Variants in CRLF3 observed in about 807,000 individuals in gnomAD.
The protein encoded by CRLF3 is cytokine receptor-like factor 3.
In CRLF3, 33 loss-of-function variants were observed where a neutral mutation model predicts 55.0. The observed-to-expected ratio is 0.60, with a 90% CI of 0.46 to 0.80. The LOEUF (loss-of-function observed/expected upper bound fraction) is 0.80, where lower values mean the gene tolerates loss of function less well. Ranked by LOEUF, CRLF3 falls within the 30% of genes least tolerant of loss-of-function variation. CRLF3 has a pLI of 0.00. For missense variants in CRLF3, 494 were observed against 538.4 expected, an observed-to-expected ratio of 0.92 and a Z score of 0.82; for synonymous variants, 238 against 196.8, an observed-to-expected ratio of 1.21 and a Z score of -1.75.
intron 1 of CRLF3, among the ~76,000 whole-genome samples, chr17:30,806,839 T>C (rs917647910): frequency 1.3e-5 from 2 of 152,176 alleles, no homozygotes; most frequent in Non-Finnish European, 2.9e-5. Flanking sequence ...GATCTTGCTA[T>C]GTTGCCCAAG....
intron 1 of CRLF3, among the ~76,000 whole-genome samples, chr17:30,815,711 T>C (rs1904777963): frequency 6.8e-6 from 1 of 147,568 alleles, no homozygotes; most frequent in Non-Finnish European, 1.5e-5. Flanking sequence ...CCACCTAACT[T>C]TTTTGTATTT....
At chr17:30,787,063 T>C (rs1027544667) in intron 6 of CRLF3, among the ~76,000 whole-genome samples, 1 of 152,186 alleles carries the variant, frequency 6.6e-6, no homozygotes, top group Non-Finnish European at 1.5e-5. Flanking sequence ...TTGGAACTCC[T>C]GACCTCAGGT....
chr17:30,790,764 A>C (rs1361330417), intron 6 of CRLF3: 2 of 150,796 alleles, frequency 1.3e-5, no homozygotes, highest in African/African-American at 2.4e-5. Context: ...CTACAGGCGC[A>C]CCTCACCACA....
rs1172831641 is a variant in CRLF3 at position 30,782,724 on chromosome 17, C to T, written c.*1463G>A. The T allele has an allele frequency of 3.9e-5, 6 of 152,038 alleles. No homozygotes were observed. Among genetic ancestry groups the T allele is most frequent in the African/African-American group, 1.2e-4 (5 of 41,388 alleles). 9.4% of individuals were successfully genotyped at this position (152,038 alleles called of 1,614,324 possible). ...TTTTATTTTGATTCCTATGGCTGGA[C>T]AAGGTATCTACATTCTAGAACATCT... On this transcript the variant is annotated 3_prime_UTR_variant, in exon 8 of 8. Coordinates refer to ENST00000324238, the MANE Select transcript of CRLF3 (RefSeq NM_015986.4).
chr17:30,815,084 CTTTTTTTTTTT>C (rs541526248), intron 1 of CRLF3, among the ~76,000 whole-genome samples: 3 of 107,530 alleles, frequency 2.8e-5, no homozygotes, highest in East Asian at 2.6e-4. Context: ...TTCTTTCTTT[CTTTTTTTTTTT>C]TTTTTTTTGA....
At position 30,824,674 on chromosome 17, in the gene CRLF3, C is replaced by T. The variant is rs759754747; in HGVS notation, c.-23G>A. 1.3e-6 allele frequency: 2 copies of T among 1,582,912 alleles called. No individual in the cohort carries two copies. Among genetic ancestry groups the T allele is most frequent in the Non-Finnish European group, 1.7e-6 (2 of 1,171,222 alleles). ...CATCTGGCCGCGCGGCCGGCGAAAC[C>T]TAGCGCGGGTTCCCGACTGCACCGG... is the stretch of plus-strand genomic sequence containing the variant. On this transcript the variant is annotated 5_prime_UTR_variant, in exon 1 of 8. Transcript: ENST00000324238.
chr17:30,817,840 AGGTT>A (rs1228157092), intron 1 of CRLF3, among the ~76,000 whole-genome samples: 1 of 136,830 alleles, frequency 7.3e-6, no homozygotes, highest in African/African-American at 2.7e-5. Context: ...CAGGAGGCAG[AGGTT>A]GCAATGAGCC....
At chr17:30,790,941 C>G (rs772804172) in intron 6 of CRLF3, 1 of 151,842 alleles carries the variant, frequency 6.6e-6, no homozygotes, top group Non-Finnish European at 1.5e-5. Flanking sequence ...TTTTTTGAGA[C>G]GGAGTCTCGC....
rs775546121 is a variant in CRLF3 at position 30,793,649 on chromosome 17, T to G, written c.627A>C (p.Gln209His). Residue 209 changes from glutamine (Q) to histidine (H), a missense_variant, in exon 5 of 8, where the codon CAA becomes CAC. Coordinates refer to ENST00000324238, the MANE Select transcript of CRLF3 (RefSeq NM_015986.4). ...ATTTACGAAACTGGAGCCTGTAATC[T>G]TGGGCTGTAAAGTCATCATCCACCT... ...WCKVDDDFTA[Q>H]DYRLQFRKCT... 53 of 1,613,624 alleles carry G rather than the reference T, an allele frequency of 3.3e-5. No homozygotes were observed. The highest frequency in any genetic ancestry group is 6.6e-5 in the South Asian group (6 of 91,074).
At chr17:30,787,211 G>A (rs1061346) in intron 6 of CRLF3, among the ~76,000 whole-genome samples, 19,342 of 152,184 alleles carry the variant, frequency 0.13, 1,294 homozygotes, top group South Asian at 0.25. Context: ...ACACATAGAA[G>A]GTTTGTCATA....
At chr17:30,793,406 T>A in intron 5 of CRLF3, 44 bp downstream of exon 5, 1 of 1,470,458 alleles carries the variant, frequency 6.8e-7, no homozygotes, top group Non-Finnish European at 9.5e-7. Flanking sequence ...ACAGGTATTC[T>A]AATATATAGT....
At chr17:30,821,892 G>T (rs1297590363) in intron 1 of CRLF3, among the ~76,000 whole-genome samples, 2 of 151,902 alleles carry the variant, frequency 1.3e-5, no homozygotes, top group Non-Finnish European at 2.9e-5. Flanking sequence ...TTTAAGGCAT[G>T]ACTTTTACGG....
Position 30,792,554 on chromosome 17 carries a change from T to A in CRLF3, c.845A>T (p.Glu282Val), listed in dbSNP as rs753268487. 4 of 1,601,936 alleles carry A rather than the reference T, an allele frequency of 2.5e-6. No individual in the cohort carries two copies. The highest frequency in any genetic ancestry group is 3.4e-6 in the Non-Finnish European group (4 of 1,170,078). ...LVPHEWTAGFEGYSLSSRRNI... is the reference protein window; with the variant it reads ...LVPHEWTAGFVGYSLSSRRNI... The stretch of plus-strand genomic sequence containing the variant: ...TCTTCGACTGCTCAGACTGTACCCC[T>A]CAAAACCAGCTGTCCACTCTTTTTC... The change falls in exon 6 of 8, where the codon GAG becomes GTG. Residue 282 changes from glutamate to valine, a missense_variant. By Grantham distance (121) the Glu-to-Val change is moderately radical. Coordinates refer to ENST00000324238, the MANE Select transcript of CRLF3 (RefSeq NM_015986.4).
rs1173401542 is a variant in CRLF3 at position 30,782,889 on chromosome 17, AC to A, written c.*1297del. The A allele has an allele frequency of 6.7e-6, 1 of 148,718 alleles. No individual in the cohort carries two copies. The highest frequency in any genetic ancestry group is 2.5e-5 in the African/African-American group (1 of 40,374). The allele number at this position is 148,718 out of a possible 1,614,324, so 9.2% of individuals were successfully genotyped here. On this transcript the variant is annotated 3_prime_UTR_variant, in exon 8 of 8. Transcript: ENST00000324238. ...ATCATACTTGCTTTTCTACTTTTTT[AC>A]TATACTGGTAAAAATGAAATGAAAA... is the stretch of plus-strand genomic sequence containing the variant.
At chr17:30,795,663 C>A (rs1394460649) in intron 4 of CRLF3, among the ~76,000 whole-genome samples, 2 of 151,496 alleles carry the variant, frequency 1.3e-5, no homozygotes. Flanking sequence ...AGGCCAGGCA[C>A]GGCGGCTCAC....
rs1334874244 is a variant in CRLF3, at chr17:30,784,239, AGAG to A, written c.1274_1276del (p.Ser425_Leu426delinsPhe). The A allele has an allele frequency of 6.2e-7, 1 of 1,613,952 alleles. No homozygotes were observed. The highest frequency in any genetic ancestry group is 8.5e-7 in the Non-Finnish European group (1 of 1,179,916). On this transcript the variant is annotated inframe_deletion, in exon 8 of 8. Transcript: ENST00000324238. ...ATAGAAAAATGAGCATCCAAAGTAA[AGAG>A]AACCACAAGACTGATCAAGTAACCA... is the stretch of plus-strand genomic sequence containing the variant.
rs139558646 is a variant in CRLF3 at position 30,809,176 on chromosome 17, A to G, written c.130-5068T>C. On this transcript the variant is annotated intron_variant, in intron 1 of 7. Transcript: ENST00000324238. ...TTTTGTTTTTGTTTCAGAACCTCAG[A>G]AAAAAGGAAGTAAGTGAACACAAAA... is the stretch of plus-strand genomic sequence containing the variant. 2.2e-3 allele frequency among the ~76,000 whole-genome samples: 337 copies of G among 152,322 alleles called. 1 individual carries two copies. The highest frequency in any genetic ancestry group is 7.8e-3 in the African/African-American group (325 of 41,572).
Position 30,794,164 on chromosome 17 carries a change from C to G in CRLF3, c.604-492G>C, listed in dbSNP as rs192446588. ...TCTTTTCTTTATTGAACCATGTGTTCTGTATTTCCCAGTCTGATATAAAAA... is the reference window on the plus strand; with the variant it reads ...TCTTTTCTTTATTGAACCATGTGTTGTGTATTTCCCAGTCTGATATAAAAA... On this transcript the variant is annotated intron_variant, in intron 4 of 7. Transcript: ENST00000324238. Among the ~76,000 whole-genome samples the G allele has an allele frequency of 1.0e-3, 158 of 152,206 alleles. 3 individuals are homozygous for G. The highest frequency in any genetic ancestry group is 1.0e-4 in the Non-Finnish European group (7 of 68,000).
intron 1 of CRLF3, among the ~76,000 whole-genome samples, chr17:30,810,570 AT>A (rs1904581535): frequency 2.0e-5 from 3 of 152,090 alleles, no homozygotes; most frequent in African/African-American, 4.8e-5. Flanking sequence ...TCAAAAAAAA[AT>A]AATAAATAAA....
Sources: allele counts gnomAD v4.1 joint callset (sites outside exome capture counted in the v4.1 genomes callset), GRCh38; gene constraint gnomAD v4.1.1; transcripts MANE v1.5; gene names NCBI Gene and HGNC (gene_info 2026-07-23, HGNC 2026-07-21).